CDK5RAP3: variants seen among roughly 807,000 people sequenced by gnomAD.
CDK5RAP3 encodes CDK5 regulatory subunit-associated protein 3.
In CDK5RAP3, 58 loss-of-function variants were observed where a neutral mutation model predicts 73.3. That is an observed-to-expected ratio of 0.79 (90% CI 0.64 to 0.98). The LOEUF (loss-of-function observed/expected upper bound fraction) is 0.98. CDK5RAP3 is among the 50% of genes least tolerant of loss of function. The pLI, the probability that CDK5RAP3 is intolerant of heterozygous loss-of-function variation, is 0.00. For synonymous variants in CDK5RAP3, 224 were observed against 247.5 expected, an observed-to-expected ratio of 0.91 and a Z score of 0.89; for missense variants, 525 against 615.8, an observed-to-expected ratio of 0.85 and a Z score of 1.56.
At chr17:47,977,946 G>A (rs374489039) in intron 10 of CDK5RAP3, 36 bp downstream of exon 10, 218 of 1,583,896 alleles carry the variant, frequency 1.4e-4, no homozygotes, top group Non-Finnish European at 1.2e-4. Context: ...TGGCAAAAGT[G>A]GGGTGCTCAA....
chr17:47,974,490 G>A (rs1377198084), intron 5 of CDK5RAP3, 42 bp downstream of exon 5: 1 of 1,613,922 alleles, frequency 6.2e-7, no homozygotes, highest in Admixed American at 1.7e-5. Flanking sequence ...CCATGGGGAA[G>A]CCCACTCTCA....
intron 2 of CDK5RAP3, among the ~76,000 whole-genome samples, chr17:47,972,963 A>T (rs575562115): frequency 6.6e-6 from 1 of 152,204 alleles, no homozygotes; most frequent in Non-Finnish European, 1.5e-5. Context: ...ATCTGGGCCC[A>T]GACTTTGAGA....
chr17:47,974,954 A>G, intron 5 of CDK5RAP3: 1 of 1,437,292 alleles, frequency 7.0e-7, no homozygotes, highest in East Asian at 2.6e-5. Context: ...TTGCATCTTC[A>G]TGATAAATGT....
At chr17:47,977,018 G>T (rs2036432254) in intron 9 of CDK5RAP3, among the ~76,000 whole-genome samples, 196 bp downstream of exon 9, 1 of 152,184 alleles carries the variant, frequency 6.6e-6, no homozygotes, top group African/African-American at 2.4e-5. Context: ...CTGTCGCCCA[G>T]GCTGGAGTGC....
At chr17:47,969,913 C>T (rs2036229390), upstream of CDK5RAP3, among the ~76,000 whole-genome samples, 1 of 152,202 alleles carries the variant, frequency 6.6e-6, no homozygotes, top group East Asian at 1.9e-4. Context: ...TGGTTCCCAC[C>T]TAATCACCTA....
intron 5 of CDK5RAP3, 88 bp from the exon 6 acceptor site, chr17:47,975,071 T>G (rs2036366234): frequency 3.1e-6 from 5 of 1,611,932 alleles, no homozygotes; most frequent in Non-Finnish European, 4.2e-6. Context: ...TTCGTGCTCT[T>G]CACCACCACA....
upstream of CDK5RAP3, chr17:47,971,106 G>A (rs1265322979): frequency 1.9e-6 from 3 of 1,551,924 alleles, no homozygotes; most frequent in African/African-American, 1.4e-5. Context: ...GTAGGGCGGG[G>A]CGGGCCACAG....
In CDK5RAP3 at chr17:47,973,522, G is replaced by C. The variant is rs1437868379; in HGVS notation, c.56G>C (p.Trp19Ser). Residue 19 changes from tryptophan (W) to serine (S), a missense_variant, in exon 3 of 14, where the codon TGG (tryptophan) becomes TCG (serine). By Grantham distance (177) the Trp-to-Ser change is radical. Coordinates refer to ENST00000338399, the MANE Select transcript of CDK5RAP3 (RefSeq NM_176096.3). ...AATTTGGGTGCTTCTCATGTAGATT[G>C]GCTGGTGGACAGAAGGCACTGCAGC... ...IDIQTSKLLD[W>S]LVDRRHCSLK... The C allele has an allele frequency of 1.2e-6, 2 of 1,613,732 alleles. No homozygotes were observed. The highest frequency in any genetic ancestry group is 1.7e-6 in the Non-Finnish European group (2 of 1,179,778).
intron 4 of CDK5RAP3, 128 bp downstream of exon 4, chr17:47,974,159 GT>G (rs1749516078): frequency 2.7e-6 from 2 of 745,602 alleles, no homozygotes; most frequent in African/African-American, 1.8e-5. Context: ...CTTTCACTCT[GT>G]CTCTATAGTT....
intron 11 of CDK5RAP3, 53 bp from the exon 12 acceptor site, chr17:47,980,540 T>TG: frequency 3.2e-6 from 5 of 1,542,970 alleles, no homozygotes; most frequent in Non-Finnish European, 4.5e-6. Context: ...GTGCTGGAAT[T>TG]GCAAGTGTGA....
chr17:47,974,499 C>CAT, intron 5 of CDK5RAP3, 51 bp downstream of exon 5: 1 of 1,613,752 alleles, frequency 6.2e-7, no homozygotes, highest in Non-Finnish European at 8.5e-7. Context: ...AGCCCACTCT[C>CAT]AGAGTTCTGA....
intron 2 of CDK5RAP3, 45 bp downstream of exon 2, chr17:47,971,452 T>G (rs1019536088): frequency 8.5e-6 from 13 of 1,534,756 alleles, no homozygotes; most frequent in Non-Finnish European, 9.7e-6. Context: ...GGGGGAGGCC[T>G]GTGCGTTGCC....
chr17:47,969,580 A>AAAAAAAAAAAAAAAAAAAAAAG (rs1567720961), upstream of CDK5RAP3, among the ~76,000 whole-genome samples: 6 of 131,326 alleles, frequency 4.6e-5, no homozygotes, highest in Admixed American at 1.5e-4. Context: ...AAAAAAAAAA[A>AAAAAAAAAAAAAAAAAAAAAAG]AAAAGAAAAG....
intron 12 of CDK5RAP3, 165 bp from the exon 13 acceptor site, chr17:47,980,998 A>G (rs921876467): frequency 3.5e-6 from 3 of 868,374 alleles, no homozygotes; most frequent in Non-Finnish European, 5.4e-6. Flanking sequence ...TGAGTAGGAC[A>G]GGGGAACTGG....
rs374248229 is a variant in CDK5RAP3 at position 47,977,887 on chromosome 17, C to T, written c.965C>T (p.Thr322Ile). ...GACGATGCTGTTGCTTTGCAGATCA[C>T]AGTGCTGGAAGCAGGAACCCAGGGT... ...WGDDAVALQI[T>I]VLEAGTQAPE... Residue 322 changes from threonine to isoleucine, a missense_variant, in exon 10 of 14, where the codon ACA becomes ATA. Around this residue, in one of 2 missense-constraint regions of CDK5RAP3, gnomAD observed 409 missense variants for 429.8 expected, o/e 0.95. Transcript: ENST00000338399. 2.5e-6 allele frequency: 4 copies of T among 1,613,908 alleles called. No homozygotes were observed. The highest frequency in any genetic ancestry group is 1.3e-5 in the African/African-American group (1 of 74,892).
intron 10 of CDK5RAP3, 45 bp downstream of exon 10, chr17:47,977,955 A>G: frequency 6.8e-7 from 1 of 1,471,664 alleles, no homozygotes; most frequent in Non-Finnish European, 9.5e-7. Context: ...TGGGGTGCTC[A>G]AGGGCCCCCA....
At chr17:47,970,880 T>C (rs1598214798), upstream of CDK5RAP3, 7 of 1,426,072 alleles carry the variant, frequency 4.9e-6, no homozygotes, top group Non-Finnish European at 6.5e-6. Flanking sequence ...GCGCACCCCC[T>C]CCCGTCCCCT....
chr17:47,981,633 C>T lies in CDK5RAP3; in HGVS notation c.*131C>T, dbSNP rs759948966. On this transcript the variant is annotated 3_prime_UTR_variant, in exon 14 of 14. Coordinates refer to ENST00000338399, the MANE Select transcript of CDK5RAP3 (RefSeq NM_176096.3). ...AAGATGGAAAGCCACAGGAAGGAAG[C>T]GGCACCTGATGGTGATCTTGGCACT... 3.3e-5 allele frequency: 52 copies of T among 1,569,416 alleles called. No homozygotes were observed. The highest frequency in any genetic ancestry group is 4.2e-5 in the Non-Finnish European group (49 of 1,161,040).
upstream of CDK5RAP3, chr17:47,970,609 G>T: frequency 2.0e-6 from 3 of 1,493,744 alleles, no homozygotes; most frequent in Admixed American, 5.9e-5. Context: ...CCAACACGTT[G>T]CAGGTGCTCA....
Sources: allele counts gnomAD v4.1 joint callset (sites outside exome capture counted in the v4.1 genomes callset), GRCh38; gene constraint gnomAD v4.1.1; regional missense constraint gnomAD v4.1.1; transcripts MANE v1.5; gene names NCBI Gene and HGNC (gene_info 2026-07-23, HGNC 2026-07-21).